The following TMOD1 variants were observed in gnomAD, a reference collection of about 807,000 sequenced individuals.
TMOD1 encodes the protein tropomodulin-1.
TMOD1 carries 17 observed loss-of-function variants against 40.6 expected under a neutral mutation model. That is an observed-to-expected ratio of 0.42 (90% CI 0.29 to 0.63). The LOEUF is 0.63. TMOD1 is among the 20% of genes least tolerant of loss of function. The pLI, the probability that TMOD1 is intolerant of heterozygous loss-of-function variation, is 0.22. For synonymous variants in TMOD1, 181 were observed against 175.0 expected (o/e 1.03, Z -0.27); for missense variants, 391 against 447.6 (o/e 0.87, Z 1.14).
chr9:97,522,298 C>A (rs918508985), intron 1 of TMOD1, among the ~76,000 whole-genome samples: 2 of 152,154 alleles, frequency 1.3e-5, no homozygotes, highest in African/African-American at 4.8e-5. Context: ...AGTAGCATCA[C>A]CCCAATCTCT....
chr9:97,601,246 G>T lies in TMOD1; in HGVS notation c.*1548G>T. The T allele has an allele frequency of 8.0e-7, 1 of 1,250,690 alleles. No individual in the cohort carries two copies. The highest frequency in any genetic ancestry group is 1.0e-6 in the Non-Finnish European group (1 of 959,668). 77.5% of individuals were successfully genotyped at this position (1,250,690 alleles called of 1,614,324 possible). On this transcript the variant is annotated 3_prime_UTR_variant, in exon 10 of 10. Coordinates refer to ENST00000259365, the MANE Select transcript of TMOD1 (RefSeq NM_003275.4). ...CTGCAATATAATATTAAATCTGTTGGTCTATGCATGGCTGCGTATGTGTTT... is the reference window on the plus strand; with the variant it reads ...CTGCAATATAATATTAAATCTGTTGTTCTATGCATGGCTGCGTATGTGTTT...
At chr9:97,550,707 T>G (rs1830438081) in intron 3 of TMOD1, among the ~76,000 whole-genome samples, 1 of 152,210 alleles carries the variant, frequency 6.6e-6, no homozygotes, top group South Asian at 2.1e-4. Context: ...TTACCCATTT[T>G]AAAATTGGGT....
chr9:97,538,222 G>A (rs867370840), intron 2 of TMOD1, among the ~76,000 whole-genome samples: 1 of 152,012 alleles, frequency 6.6e-6, no homozygotes, highest in Non-Finnish European at 1.5e-5. Context: ...TAAAACCTGC[G>A]CTAAATTTCC....
At chr9:97,545,201 G>A (rs751828147) in intron 2 of TMOD1, among the ~76,000 whole-genome samples, 5 of 152,168 alleles carry the variant, frequency 3.3e-5, no homozygotes, top group Admixed American at 6.5e-5. Context: ...GAAGAAGAAC[G>A]CTGGTTTTTG....
intron 4 of TMOD1, among the ~76,000 whole-genome samples, chr9:97,554,110 C>G (rs1563988883): frequency 1.4e-5 from 2 of 146,110 alleles, no homozygotes; most frequent in South Asian, 4.4e-4. Context: ...ACTGTGCTCT[C>G]TGATCCAGGG....
At chr9:97,533,839 T>C (rs1830139413) in intron 2 of TMOD1, among the ~76,000 whole-genome samples, 1 of 152,184 alleles carries the variant, frequency 6.6e-6, no homozygotes, top group Admixed American at 6.5e-5. Context: ...ATAATGTGAT[T>C]TGTGCAGTGT....
intron 8 of TMOD1, among the ~76,000 whole-genome samples, chr9:97,581,817 C>A (rs1825761908): frequency 6.6e-6 from 1 of 151,638 alleles, no homozygotes; most frequent in Non-Finnish European, 1.5e-5. Flanking sequence ...CTGTTCATGT[C>A]CTTCGCCCAC....
intron 2 of TMOD1, among the ~76,000 whole-genome samples, chr9:97,525,832 A>G (rs1830006498): frequency 6.6e-6 from 1 of 152,222 alleles, no homozygotes; most frequent in African/African-American, 2.4e-5. Context: ...TTTAACTTCC[A>G]TTTTAATGGA....
At chr9:97,555,307 G>A (rs1240489602) in intron 4 of TMOD1, 3 of 1,070,026 alleles carry the variant, frequency 2.8e-6, no homozygotes, top group East Asian at 7.0e-5. Flanking sequence ...GCCTTGGTGC[G>A]GCATCTCCAC....
At chr9:97,530,049 C>T (rs1314871697) in intron 2 of TMOD1, among the ~76,000 whole-genome samples, 1 of 152,174 alleles carries the variant, frequency 6.6e-6, no homozygotes, top group Non-Finnish European at 1.5e-5. Flanking sequence ...GGCCCAGTAA[C>T]CTGTGCTGTT....
chr9:97,553,526 G>T, intron 4 of TMOD1, 126 bp downstream of exon 4: 1 of 1,337,944 alleles, frequency 7.5e-7, no homozygotes, highest in Middle Eastern at 1.9e-4. Flanking sequence ...AGAGGAGACC[G>T]AGAGTGTTCA....
chr9:97,579,247 G>T (rs531240240), intron 8 of TMOD1, among the ~76,000 whole-genome samples: 3 of 152,108 alleles, frequency 2.0e-5, no homozygotes, highest in Admixed American at 2.0e-4. Flanking sequence ...CTGGGCTGAC[G>T]TCGCCTCTAT....
chr9:97,550,528 A>C (rs1830434139), intron 3 of TMOD1, among the ~76,000 whole-genome samples: 1 of 152,208 alleles, frequency 6.6e-6, no homozygotes. Context: ...CATTGTTGCC[A>C]ACATGAATTT....
rs962938515 is a variant in TMOD1, at chr9:97,539,748, C to G, written c.121-6437C>G. 2.6e-5 allele frequency among the ~76,000 whole-genome samples: 4 copies of G among 152,174 alleles called. No individual in the cohort carries two copies. The South Asian group carries it at 8.3e-4, about 32-fold the overall frequency. Reference sequence around the variant, plus strand: ...TTGGGAGGCCGAGGCGGGCGGATCACGAGGTCAGGAGATCGAGACCATCCT... The same window carrying G: ...TTGGGAGGCCGAGGCGGGCGGATCAGGAGGTCAGGAGATCGAGACCATCCT... On this transcript the variant is annotated intron_variant, in intron 2 of 9. Transcript: ENST00000259365.
At chr9:97,537,356 G>A (rs569772409) in intron 2 of TMOD1, among the ~76,000 whole-genome samples, 332 of 152,360 alleles carry the variant, frequency 2.2e-3, no homozygotes, top group Non-Finnish European at 3.1e-3. Context: ...GTGTGCATGT[G>A]TGTTGCCTCT....
rs1825841449 is a variant in TMOD1, at chr9:97,585,103, T to C, written c.871-6188T>C. Among the ~76,000 whole-genome samples the C allele has an allele frequency of 2.6e-5, 4 of 152,354 alleles. No homozygotes were observed. In the South Asian group the frequency reaches 6.2e-4, roughly 24 times the overall value. On this transcript the variant is annotated intron_variant, in intron 8 of 9. Transcript: ENST00000259365. The stretch of plus-strand genomic sequence containing the variant: ...TGATGCAGTTTCTTCCTAGTCTTGA[T>C]GGTCTTTACATTTTGGCATGATTTT...
At chr9:97,525,069 A>G (rs1042669080) in intron 2 of TMOD1, among the ~76,000 whole-genome samples, 15 of 151,218 alleles carry the variant, frequency 9.9e-5, no homozygotes, top group African/African-American at 3.5e-4. Flanking sequence ...TTTAAACCAT[A>G]CTTAATTTCC....
chr9:97,555,756 T>C (rs1830528007), intron 4 of TMOD1: 2 of 1,394,422 alleles, frequency 1.4e-6, no homozygotes, highest in Non-Finnish European at 2.0e-6. Context: ...ACCAAAACAA[T>C]CCTATGAAGG....
chr9:97,536,855 G>A (rs868743358), intron 2 of TMOD1, among the ~76,000 whole-genome samples: 1 of 152,178 alleles, frequency 6.6e-6, no homozygotes, highest in Non-Finnish European at 1.5e-5. Flanking sequence ...CAGGGGTCAC[G>A]TTTTGCATTC....
Sources: allele counts gnomAD v4.1 joint callset (sites outside exome capture counted in the v4.1 genomes callset), GRCh38; gene constraint gnomAD v4.1.1; transcripts MANE v1.5; gene names NCBI Gene and HGNC (gene_info 2026-07-23, HGNC 2026-07-21).